Variants in ZNF202 observed in about 807,000 individuals in gnomAD.
ZNF202 encodes the protein zinc finger protein 202.
ZNF202 carries 22 observed loss-of-function variants against 54.5 expected under a neutral mutation model. That is an observed-to-expected ratio of 0.40 (90% confidence interval 0.29 to 0.58). ZNF202 has a LOEUF of 0.58. Ranked by LOEUF, ZNF202 falls within the 20% of genes least tolerant of loss-of-function variation. The probability of loss-of-function intolerance (pLI) is 0.39; values close to 1 mark genes in which losing one functional copy is unlikely to be tolerated. For missense variants in ZNF202, 644 were observed against 805.5 expected (o/e 0.80, Z 2.43); for synonymous variants, 294 against 301.4 (o/e 0.98, Z 0.26).
At chr11:123,737,240 T>C (rs778278542) in intron 3 of ZNF202, among the ~76,000 whole-genome samples, 4 of 151,998 alleles carry the variant, frequency 2.6e-5, no homozygotes, top group Non-Finnish European at 5.9e-5. Context: ...GCAAACTCAG[T>C]GTACCAAGAA....
chr11:123,735,802 A>G (rs1168863889), intron 3 of ZNF202, among the ~76,000 whole-genome samples: 1 of 152,258 alleles, frequency 6.6e-6, no homozygotes, highest in African/African-American at 2.4e-5. Flanking sequence ...CAGAAAACAG[A>G]TGTTGTGTTT....
At position 123,725,922 on chromosome 11, in the gene ZNF202, G is replaced by T; in HGVS notation, c.*75C>A. On this transcript the variant is annotated 3_prime_UTR_variant, in exon 9 of 9. Coordinates refer to ENST00000530393, the MANE Select transcript of ZNF202 (RefSeq NM_003455.4). ...TCCCTCGAAAAGGTCTTCCCAGGCT[G>T]ACAAGAGGGCTTTTCCTCTTCCTCA... is the stretch of plus-strand genomic sequence containing the variant. 6.6e-7 allele frequency: 1 copy of T among 1,510,238 alleles called. No individual in the cohort carries two copies. Among genetic ancestry groups the T allele is most frequent in the South Asian group, 1.3e-5 (1 of 75,336 alleles). The allele number at this position is 1,510,238 out of a possible 1,614,324, so 93.6% of individuals were successfully genotyped here.
intron 3 of ZNF202, among the ~76,000 whole-genome samples, chr11:123,737,287 G>A (rs1361905002): frequency 6.6e-6 from 1 of 152,206 alleles, no homozygotes; most frequent in Non-Finnish European, 1.5e-5. Context: ...CACAATGAAT[G>A]AAAGGGAATG....
rs145616030 is a variant in ZNF202 at position 123,733,677 on chromosome 11, C to T, written c.-97-2692G>A. On this transcript the variant is annotated intron_variant, in intron 3 of 8. Transcript: ENST00000530393. Reference sequence around the variant, plus strand: ...GCCTCAAGTGATTTTCCAACCTTGGCCTCCCAAAGCACTGTTACCAGAGGC... The same window carrying T: ...GCCTCAAGTGATTTTCCAACCTTGGTCTCCCAAAGCACTGTTACCAGAGGC... Among the ~76,000 whole-genome samples, 168 of 152,278 alleles carry T rather than the reference C, an allele frequency of 1.1e-3. 2 individuals are homozygous for T. The highest frequency in any genetic ancestry group is 5.6e-3 in the East Asian group (29 of 5,182).
intron 3 of ZNF202, among the ~76,000 whole-genome samples, chr11:123,735,000 C>A (rs545867581): frequency 3.8e-4 from 53 of 138,910 alleles, no homozygotes; most frequent in Non-Finnish European, 7.3e-4. Context: ...GCAAGTCACA[C>A]AACACTTGGC....
intron 3 of ZNF202, among the ~76,000 whole-genome samples, chr11:123,738,358 G>A (rs1435628852): frequency 6.6e-6 from 1 of 152,172 alleles, no homozygotes; most frequent in Admixed American, 6.5e-5. Context: ...TGGCCATCAT[G>A]GTCATGTTGG....
At position 123,728,412 on chromosome 11, in the gene ZNF202, T is replaced by C. The variant is rs181152947; in HGVS notation, c.703-150A>G. ...CTTAAACTCATTCTCGGGGGAGCCATGTGTCCCCTGTGGCACTGGCCCTGC... is the reference window on the plus strand; with the variant it reads ...CTTAAACTCATTCTCGGGGGAGCCACGTGTCCCCTGTGGCACTGGCCCTGC... On this transcript the variant is annotated intron_variant, in intron 6 of 8. Transcript: ENST00000530393. The C allele has an allele frequency of 1.4e-3, 1,434 of 1,031,832 alleles. 1 individual carries two copies. Among genetic ancestry groups the C allele is most frequent in the Non-Finnish European group, 1.7e-3 (1,347 of 773,824 alleles). The allele number at this position is 1,031,832 out of a possible 1,614,324, so 63.9% of individuals were successfully genotyped here.
Position 123,726,805 on chromosome 11 carries a change from A to T in ZNF202, c.1139T>A (p.Phe380Tyr). The T allele has an allele frequency of 6.2e-7, 1 of 1,614,234 alleles. No homozygotes were observed. The highest frequency in any genetic ancestry group is 8.5e-7 in the Non-Finnish European group (1 of 1,180,042). Residue 380 changes from phenylalanine (F) to tyrosine (Y), a missense_variant, in exon 9 of 9, where the codon TTT becomes TAT. Coordinates refer to ENST00000530393, the MANE Select transcript of ZNF202 (RefSeq NM_003455.4). This position sits in a 1 kb window ranked among gnomAD's most constrained non-coding sequence, Gnocchi z 6.0. ...GGGTGTAGTTTCCCGAAGGTTCACA[A>T]AACTATTCACTTGAGAAATATTAGT... ...FGTNISQVNSFVNLRETTPVH... is the reference protein window; with the variant it reads ...FGTNISQVNSYVNLRETTPVH...
At chr11:123,731,233 C>T (rs897134274) in intron 3 of ZNF202, among the ~76,000 whole-genome samples, 7 of 152,298 alleles carry the variant, frequency 4.6e-5, no homozygotes, top group East Asian at 1.9e-4. Context: ...ATTTCCACTT[C>T]ACAAATACTG....
intron 3 of ZNF202, among the ~76,000 whole-genome samples, chr11:123,735,574 C>G (rs890666579): frequency 8.5e-5 from 13 of 152,130 alleles, no homozygotes; most frequent in African/African-American, 2.4e-4. Flanking sequence ...GTGCTGTGCA[C>G]AGCACCAAAC....
At position 123,736,701 on chromosome 11, in the gene ZNF202, C is replaced by T. The variant is rs1861647444; in HGVS notation, c.-98+3416G>A. Among the ~76,000 whole-genome samples, 6 of 151,536 alleles carry T rather than the reference C, an allele frequency of 4.0e-5. No homozygotes were observed. The South Asian group carries it at 1.2e-3, about 31-fold the overall frequency. ...GGCCTTGGCACGCTGGGTTTGAATC[C>T]CTGACCTCGAATCCCTGACCTCGCT... On this transcript the variant is annotated intron_variant, in intron 3 of 8. Coordinates refer to ENST00000530393, the MANE Select transcript of ZNF202 (RefSeq NM_003455.4).
chr11:123,725,364 G>A lies in ZNF202; in HGVS notation c.*633C>T, dbSNP rs1861082607. On this transcript the variant is annotated 3_prime_UTR_variant, in exon 9 of 9. Coordinates refer to ENST00000530393, the MANE Select transcript of ZNF202 (RefSeq NM_003455.4). ...CAATTTGACGCTGGGGGAGGGAGCA[G>A]CTTGACAAGGTCCACATGAAGCAGC... 6.6e-6 allele frequency: 1 copy of A among 152,250 alleles called. No homozygotes were observed. Among genetic ancestry groups the A allele is most frequent in the Admixed American group, 6.5e-5 (1 of 15,284 alleles). The allele number at this position is 152,250 out of a possible 1,614,324, so 9.4% of individuals were successfully genotyped here. A position where few individuals can be genotyped will look rare whatever the true frequency, so the allele number is the denominator to read the frequency against.
chr11:123,732,362 CTT>C (rs1291532705), intron 3 of ZNF202, among the ~76,000 whole-genome samples: 3 of 152,202 alleles, frequency 2.0e-5, no homozygotes, highest in African/African-American at 7.2e-5. Context: ...TGACGTTCAT[CTT>C]GTTATTCTCT....
At position 123,723,951 on chromosome 11, in the gene ZNF202, T is replaced by C. The variant is rs547986744; in HGVS notation, c.*2046A>G. Among the ~76,000 whole-genome samples the C allele has an allele frequency of 1.3e-5, 2 of 152,358 alleles. No homozygotes were observed. Among genetic ancestry groups the C allele is most frequent in the South Asian group, 2.1e-4 (1 of 4,834 alleles). ...AGAACTCTGACAGATTTTCATTTAT[T>C]GGAATAATGCAAATAAGAAAATTAA... On this transcript the variant is annotated 3_prime_UTR_variant, in exon 9 of 9. Transcript: ENST00000530393.
In ZNF202 at chr11:123,730,422, C is replaced by T; in HGVS notation, c.402+65G>A. On this transcript the variant is annotated intron_variant, in intron 4 of 8. Transcript: ENST00000530393. The surrounding 1 kb of genome is among the most constrained non-coding windows in gnomAD (Gnocchi z 6.0). ...ATGGGGATCCTGCAAGCTCTCCCCG[C>T]AAATCCAGCCTTCCAGCAAATAGTC... 1.3e-6 allele frequency: 2 copies of T among 1,484,738 alleles called. No homozygotes were observed. Among genetic ancestry groups the T allele is most frequent in the East Asian group, 4.6e-5 (2 of 43,450 alleles). 92.0% of individuals were successfully genotyped at this position (1,484,738 alleles called of 1,614,324 possible). A position where few individuals can be genotyped will look rare whatever the true frequency, so the allele number is the denominator to read the frequency against.
chr11:123,724,239 A>G lies in ZNF202; in HGVS notation c.*1758T>C, dbSNP rs1055539413. 1.3e-5 allele frequency: 2 copies of G among 152,128 alleles called. No homozygotes were observed. Among genetic ancestry groups the G allele is most frequent in the African/African-American group, 2.4e-5 (1 of 41,414 alleles). 9.4% of individuals were successfully genotyped at this position (152,128 alleles called of 1,614,324 possible). On this transcript the variant is annotated 3_prime_UTR_variant, in exon 9 of 9. Transcript: ENST00000530393. ...CTTTCCTCAAGGAAAAATACTCTGT[A>G]CTCCCAGATCTATTTGAGTATGAAC...
At chr11:123,727,444 G>C in intron 8 of ZNF202, 32 bp downstream of exon 8, 8 of 1,612,258 alleles carry the variant, frequency 5.0e-6, no homozygotes, top group Non-Finnish European at 6.8e-6. Context: ...TGCTGGCTCA[G>C]GGTGGGTAAC....
intron 7 of ZNF202, 94 bp downstream of exon 7, chr11:123,728,039 C>A: frequency 7.0e-7 from 1 of 1,430,194 alleles, no homozygotes; most frequent in Non-Finnish European, 9.5e-7. Flanking sequence ...GAGAAGTTCA[C>A]TGCATACAAT....
At position 123,724,459 on chromosome 11, in the gene ZNF202, C is replaced by A. The variant is rs1013425203; in HGVS notation, c.*1538G>T. On this transcript the variant is annotated 3_prime_UTR_variant, in exon 9 of 9. Transcript: ENST00000530393. ...ATATCATCGACCAAAATGAGAATTTCCCTGTTGGGCCATTAGGGTTGGAGT... is the reference window on the plus strand; with the variant it reads ...ATATCATCGACCAAAATGAGAATTTACCTGTTGGGCCATTAGGGTTGGAGT... 1 of 152,186 alleles carries A rather than the reference C, an allele frequency of 6.6e-6. No individual in the cohort carries two copies. Among genetic ancestry groups the A allele is most frequent in the Non-Finnish European group, 1.5e-5 (1 of 68,040 alleles). The allele number at this position is 152,186 out of a possible 1,614,324, so 9.4% of individuals were successfully genotyped here.
Sources: allele counts gnomAD v4.1 joint callset (sites outside exome capture counted in the v4.1 genomes callset), GRCh38; gene constraint gnomAD v4.1.1; non-coding constraint Gnocchi (gnomAD v3.1); transcripts MANE v1.5; gene names NCBI Gene and HGNC (gene_info 2026-07-23, HGNC 2026-07-21).